Variants in DCC observed in about 807,000 individuals in gnomAD.
The protein encoded by DCC is netrin receptor DCC.
Under a neutral mutation model 172.5 loss-of-function variants are expected in DCC, and 58 were observed. That is an observed-to-expected ratio of 0.34 (90% CI 0.27 to 0.42). The LOEUF is 0.42. Among genes scored for constraint, DCC ranks in the 10% least tolerant of loss-of-function variants. DCC has a pLI of 1.00. For missense variants in DCC, 1,740 were observed against 1,791.0 expected, an observed-to-expected ratio of 0.97 and a Z score of 0.51; for synonymous variants, 709 against 644.5, an observed-to-expected ratio of 1.10 and a Z score of -1.52.
chr18:53,476,354 A>T (rs1008113167), intron 25 of DCC, among the ~76,000 whole-genome samples: 1 of 152,272 alleles, frequency 6.6e-6, no homozygotes, highest in South Asian at 2.1e-4. Flanking sequence ...TCCCCACCCA[A>T]ATCTCATCTT....
At chr18:52,944,021 G>C (rs2040503136) in intron 5 of DCC, among the ~76,000 whole-genome samples, 1 of 152,182 alleles carries the variant, frequency 6.6e-6, no homozygotes. Flanking sequence ...GCCTCTCAAA[G>C]TGCTAGGATT....
At chr18:53,512,459 G>A (rs2046269183) in intron 27 of DCC, among the ~76,000 whole-genome samples, 1 of 151,320 alleles carries the variant, frequency 6.6e-6, no homozygotes, top group Non-Finnish European at 1.5e-5. Flanking sequence ...AAGCTGGATG[G>A]AGAATGACTT....
intron 19 of DCC, among the ~76,000 whole-genome samples, chr18:53,408,946 G>A (rs533364257): frequency 2.0e-5 from 3 of 152,254 alleles, no homozygotes; most frequent in Admixed American, 6.5e-5. Flanking sequence ...CCAAGCCCAG[G>A]CATAATTCTA....
chr18:52,405,304 C>G (rs1237539339), intron 1 of DCC, among the ~76,000 whole-genome samples: 1 of 147,576 alleles, frequency 6.8e-6, no homozygotes, highest in Non-Finnish European at 1.5e-5. Flanking sequence ...TCCTATTTCT[C>G]CACATCCTCT....
intron 12 of DCC, among the ~76,000 whole-genome samples, chr18:53,239,676 G>T (rs1011333817): frequency 7.2e-5 from 11 of 152,088 alleles, no homozygotes; most frequent in Non-Finnish European, 1.0e-4. Context: ...TTGAGTAGAA[G>T]AATTCAAATG....
In DCC at chr18:52,709,183, T is replaced by C. The variant is rs532693255; in HGVS notation, c.92-42871T>C. On this transcript the variant is annotated intron_variant, in intron 1 of 28. Transcript: ENST00000442544. ...AGAGAAAACTCATCCTCAGAGAGTA[T>C]AAATAATGAGTTCAAGGTGATATAT... Among the ~76,000 whole-genome samples, 4 of 152,250 alleles carry C rather than the reference T, an allele frequency of 2.6e-5. No homozygotes were observed. The South Asian group carries it at 6.2e-4, about 24-fold the overall frequency.
intron 5 of DCC, among the ~76,000 whole-genome samples, chr18:52,945,581 T>A (rs1252227302): frequency 1.3e-5 from 2 of 152,238 alleles, no homozygotes; most frequent in African/African-American, 2.4e-5. Context: ...GAAATGCCCC[T>A]AAATGCCTTT....
At chr18:52,528,624 A>T (rs2032053117) in intron 1 of DCC, among the ~76,000 whole-genome samples, 2 of 152,120 alleles carry the variant, frequency 1.3e-5, no homozygotes, top group South Asian at 4.1e-4. Flanking sequence ...ACCCCTCAAG[A>T]GCAGGGCTGA....
chr18:52,356,045 G>A (rs1984348824), intron 1 of DCC, among the ~76,000 whole-genome samples: 1 of 152,116 alleles, frequency 6.6e-6, no homozygotes, highest in Admixed American at 6.6e-5. Flanking sequence ...TGACTTCCCT[G>A]GTCACTAGCC....
chr18:52,653,614 A>G (rs897647072), intron 1 of DCC, among the ~76,000 whole-genome samples: 1 of 152,224 alleles, frequency 6.6e-6, no homozygotes, highest in African/African-American at 2.4e-5. Flanking sequence ...AGGAGAGGAC[A>G]TAAAATCTAA....
chr18:53,174,490 G>T, intron 8 of DCC, among the ~76,000 whole-genome samples: 1 of 147,312 alleles, frequency 6.8e-6, no homozygotes, highest in African/African-American at 2.5e-5. Context: ...ATGATAAAGG[G>T]GATATCACCA....
At chr18:52,450,398 T>C (rs377686194) in intron 1 of DCC, among the ~76,000 whole-genome samples, 64 of 152,322 alleles carry the variant, frequency 4.2e-4, no homozygotes, top group African/African-American at 1.5e-3. Flanking sequence ...GACTTTGACC[T>C]GTAGACAAGG....
intron 1 of DCC, among the ~76,000 whole-genome samples, chr18:52,421,130 G>A (rs1987233523): frequency 6.6e-6 from 1 of 152,162 alleles, no homozygotes; most frequent in African/African-American, 2.4e-5. Context: ...TTATTGAACT[G>A]TACAGTTCCT....
chr18:52,542,328 A>C (rs1598900348), intron 1 of DCC, among the ~76,000 whole-genome samples: 1 of 152,174 alleles, frequency 6.6e-6, no homozygotes, highest in East Asian at 1.9e-4. Context: ...GACCATTTTA[A>C]GGTTTGAATA....
intron 8 of DCC, among the ~76,000 whole-genome samples, chr18:53,166,757 C>A (rs558481763): frequency 1.3e-5 from 2 of 152,272 alleles, no homozygotes; most frequent in African/African-American, 4.8e-5. Context: ...GGAAATACCT[C>A]TAACCAAGAG....
chr18:52,794,117 C>A (rs570037392), intron 2 of DCC, among the ~76,000 whole-genome samples: 1 of 152,122 alleles, frequency 6.6e-6, no homozygotes, highest in South Asian at 2.1e-4. Flanking sequence ...CTCAGTATTG[C>A]TTTGGCTATT....
chr18:52,629,944 C>T (rs866354759), intron 1 of DCC, among the ~76,000 whole-genome samples: 3 of 107,842 alleles, frequency 2.8e-5, no homozygotes, highest in East Asian at 3.1e-4. Flanking sequence ...AGCAAGACTC[C>T]GTCTCAAAAA....
chr18:52,869,257 C>T (rs751839758), intron 2 of DCC, among the ~76,000 whole-genome samples: 1 of 152,196 alleles, frequency 6.6e-6, no homozygotes, highest in Non-Finnish European at 1.5e-5. Context: ...GTTTTATTGA[C>T]AATAGAAAAG....
intron 3 of DCC, among the ~76,000 whole-genome samples, chr18:52,919,937 C>G (rs1431229045): frequency 2.7e-5 from 4 of 147,910 alleles, no homozygotes; most frequent in Admixed American, 6.9e-5. Context: ...ATACAGTCAA[C>G]TGATCTTTGA....
Sources: gnomAD v4.1 joint callset for allele counts (sites outside exome capture counted in the v4.1 genomes callset) on GRCh38, gnomAD v4.1.1 for gene constraint, MANE v1.5 for transcripts, NCBI Gene and HGNC (gene_info 2026-07-23, HGNC 2026-07-21) for gene names.